KALRN: variants seen among roughly 807,000 people sequenced by gnomAD.
KALRN encodes the protein kalirin.
In KALRN, 70 loss-of-function variants were observed where a neutral mutation model predicts 353.7. The ratio of observed to expected loss-of-function variants is 0.20; its 90% confidence interval spans 0.16 to 0.24. The LOEUF is 0.24. Ranked by LOEUF, KALRN falls within the 10% of genes least tolerant of loss-of-function variation. The probability of loss-of-function intolerance (pLI) is 1.00; values close to 1 mark genes in which losing one functional copy is unlikely to be tolerated. For missense variants in KALRN, 2,791 were observed against 3,756.7 expected (o/e 0.74, Z 6.72); for synonymous variants, 1,391 against 1,434.8 (o/e 0.97, Z 0.69).
At chr3:124,420,274 T>A (rs1235768793) in intron 14 of KALRN, among the ~76,000 whole-genome samples, 1 of 152,174 alleles carries the variant, frequency 6.6e-6, no homozygotes, top group Non-Finnish European at 1.5e-5. Flanking sequence ...AAGTAACATG[T>A]GGTGTGGCAG....
At chr3:124,716,552 A>G (rs1009580142) in intron 58 of KALRN, among the ~76,000 whole-genome samples, 1 of 152,130 alleles carries the variant, frequency 6.6e-6, no homozygotes, top group Non-Finnish European at 1.5e-5. Flanking sequence ...ACAACAACAA[A>G]AAAAAGGTGG....
Position 124,309,270 on chromosome 3 carries a change from G to A in KALRN, c.1092+10357G>A, listed in dbSNP as rs143986696. ...CTTATATTAAAAAAAAAAAGATGAG[G>A]GAACATGTCCCAGCTTACAAGGCCA... On this transcript the variant is annotated intron_variant, in intron 6 of 59. Coordinates refer to ENST00000682506, the MANE Select transcript of KALRN (RefSeq NM_001388419.1). 3.5e-3 allele frequency among the ~76,000 whole-genome samples: 535 copies of A among 151,572 alleles called. 5 individuals carry two copies. Among genetic ancestry groups the A allele is most frequent in the African/African-American group, 0.012 (516 of 41,324 alleles).
chr3:124,116,203 A>T (rs1401708653), intron 1 of KALRN, among the ~76,000 whole-genome samples: 1 of 152,216 alleles, frequency 6.6e-6, no homozygotes, highest in African/African-American at 2.4e-5. Flanking sequence ...TCCAGCTGGT[A>T]GTCTTTTAGT....
chr3:124,601,209 A>G (rs932972430), intron 34 of KALRN, among the ~76,000 whole-genome samples: 2 of 152,210 alleles, frequency 1.3e-5, no homozygotes, highest in African/African-American at 2.4e-5. Flanking sequence ...GATTCAAGTG[A>G]AAAAGTATGT....
chr3:124,119,849 G>C (rs2063799595), intron 1 of KALRN, among the ~76,000 whole-genome samples: 1 of 152,190 alleles, frequency 6.6e-6, no homozygotes, highest in Non-Finnish European at 1.5e-5. Context: ...CTAGAACTTA[G>C]AATGCTCTGA....
intron 25 of KALRN, among the ~76,000 whole-genome samples, chr3:124,465,198 A>T (rs1285596735): frequency 6.6e-6 from 1 of 152,000 alleles, no homozygotes; most frequent in Non-Finnish European, 1.5e-5. Flanking sequence ...ACAAATTTTG[A>T]TTAATGAAGA....
chr3:124,434,157 T>C, intron 16 of KALRN, 150 bp from the exon 17 acceptor site: 1 of 580,550 alleles, frequency 1.7e-6, no homozygotes, highest in Non-Finnish European at 3.1e-6. Flanking sequence ...GCTTTAAAAA[T>C]AATAATGTAT....
Position 124,713,042 on chromosome 3 carries a change from AGGCTGCCCT to A in KALRN, c.8185_8193del (p.Ala2729_Leu2731del). 6.2e-7 allele frequency: 1 copy of A among 1,614,128 alleles called. No individual in the cohort carries two copies. Among genetic ancestry groups the A allele is most frequent in the Non-Finnish European group, 8.5e-7 (1 of 1,179,960 alleles). On this transcript the variant is annotated inframe_deletion, in exon 58 of 60. Coordinates refer to ENST00000682506, the MANE Select transcript of KALRN (RefSeq NM_001388419.1). ...AAGAAGAAAGAACAGGCTGCCCACG[AGGCTGCCCT>A]GCTTCAGCACCTACAGCACCCCCAG...
At chr3:124,691,081 A>T (rs1371115185) in intron 51 of KALRN, among the ~76,000 whole-genome samples, 3 of 152,196 alleles carry the variant, frequency 2.0e-5, no homozygotes, top group Admixed American at 6.5e-5. Flanking sequence ...GTCTTTGAAG[A>T]GCTTATAGTC....
intron 51 of KALRN, among the ~76,000 whole-genome samples, chr3:124,682,346 A>G (rs73195575): frequency 0.011 from 1,645 of 152,232 alleles, 19 homozygotes; most frequent in Non-Finnish European, 0.017. Context: ...CTCTCTGGGA[A>G]TGTGTCTGTT....
intron 13 of KALRN, among the ~76,000 whole-genome samples, chr3:124,406,454 C>A (rs2091551156): frequency 6.6e-6 from 1 of 152,164 alleles, no homozygotes; most frequent in Non-Finnish European, 1.5e-5. Context: ...GAGGTGGTTT[C>A]TTCAGCTGCA....
rs185714051 is a variant in KALRN at position 124,418,400 on chromosome 3, C to G, written c.2543-4412C>G. On this transcript the variant is annotated intron_variant, in intron 14 of 59. Transcript: ENST00000682506. ...CTTCCCAGGTGATTTTAAGGTACAA[C>G]CAGGGTTGAGAACACTGATCTAAAA... Among the ~76,000 whole-genome samples the G allele has an allele frequency of 1.0e-3, 158 of 151,758 alleles. 2 individuals are homozygous for G. Among genetic ancestry groups the G allele is most frequent in the African/African-American group, 3.7e-3 (155 of 41,336 alleles).
chr3:124,514,354 G>A (rs2108886881), intron 33 of KALRN, among the ~76,000 whole-genome samples: 1 of 152,270 alleles, frequency 6.6e-6, no homozygotes, highest in East Asian at 1.9e-4. Flanking sequence ...GCCAAGGACA[G>A]AATTCCCCAC....
chr3:124,288,858 C>T (rs150043182), intron 5 of KALRN, among the ~76,000 whole-genome samples: 41 of 152,092 alleles, frequency 2.7e-4, no homozygotes, highest in East Asian at 2.3e-3. Flanking sequence ...TGAGGGATGA[C>T]GCGAAGATGT....
intron 2 of KALRN, among the ~76,000 whole-genome samples, chr3:124,232,158 T>C (rs3755653): frequency 0.12 from 17,933 of 152,178 alleles, 1,800 homozygotes; most frequent in East Asian, 0.55. Context: ...ATACCCCATT[T>C]ATATGGTGCA....
At chr3:124,563,933 T>G (rs1171880224) in intron 34 of KALRN, among the ~76,000 whole-genome samples, 1 of 149,526 alleles carries the variant, frequency 6.7e-6, no homozygotes, top group Non-Finnish European at 1.5e-5. Context: ...AGGCTGAGGT[T>G]GCCATGAGGC....
At chr3:124,695,950 T>A (rs1232716213) in intron 53 of KALRN, among the ~76,000 whole-genome samples, 184 bp from the exon 54 acceptor site, 1 of 152,078 alleles carries the variant, frequency 6.6e-6, no homozygotes, top group Non-Finnish European at 1.5e-5. Flanking sequence ...GCCAGAAAAT[T>A]TTTTTCCATA....
chr3:124,683,686 A>T (rs1467113450), intron 51 of KALRN, among the ~76,000 whole-genome samples: 4 of 152,174 alleles, frequency 2.6e-5, no homozygotes, highest in Non-Finnish European at 5.9e-5. Flanking sequence ...CAGCCATTCA[A>T]CATGCCACTG....
intron 26 of KALRN, among the ~76,000 whole-genome samples, chr3:124,475,906 G>A (rs1346948372): frequency 6.6e-6 from 1 of 151,768 alleles, no homozygotes; most frequent in Non-Finnish European, 1.5e-5. Context: ...TCATATTAAT[G>A]CTGATAAATA....
Sources: gnomAD v4.1 joint callset for allele counts (sites outside exome capture counted in the v4.1 genomes callset) on GRCh38, gnomAD v4.1.1 for gene constraint, MANE v1.5 for transcripts, NCBI Gene and HGNC (gene_info 2026-07-23, HGNC 2026-07-21) for gene names.